The following ITGAV variants were observed in gnomAD, a reference collection of about 807,000 sequenced individuals.
ITGAV encodes the protein integrin subunit alpha V.
In ITGAV, 76 loss-of-function variants were observed where a neutral mutation model predicts 143.8. The observed-to-expected ratio is 0.53, with a 90% CI of 0.44 to 0.64. The LOEUF (loss-of-function observed/expected upper bound fraction) is 0.64. Among genes scored for constraint, ITGAV ranks in the 30% least tolerant of loss-of-function variants. ITGAV has a pLI of 0.00. For synonymous variants in ITGAV, 453 were observed against 446.7 expected (o/e 1.01, Z -0.18); for missense variants, 1,193 against 1,274.7 (o/e 0.94, Z 0.98).
chr2:186,616,902 T>A (rs1197996860), intron 2 of ITGAV, among the ~76,000 whole-genome samples: 1 of 152,164 alleles, frequency 6.6e-6, no homozygotes, highest in Non-Finnish European at 1.5e-5. Context: ...GGATATTTTT[T>A]TTCAAGCAAA....
rs78078668 is a variant in ITGAV at position 186,592,916 on chromosome 2, C to T, written c.185+2393C>T. The stretch of plus-strand genomic sequence containing the variant: ...GTATATAAACACAGGTTTTTACTTA[C>T]TGAGCTTTTCAGATTTAACAAAAAT... On this transcript the variant is annotated intron_variant, in intron 1 of 29. Coordinates refer to ENST00000261023, the MANE Select transcript of ITGAV (RefSeq NM_002210.5). 6.3e-3 allele frequency among the ~76,000 whole-genome samples: 960 copies of T among 152,050 alleles called. 13 individuals carry two copies. The highest frequency in any genetic ancestry group is 0.022 in the African/African-American group (919 of 41,468).
intron 6 of ITGAV, among the ~76,000 whole-genome samples, chr2:186,634,018 A>T (rs1687888940): frequency 6.6e-6 from 1 of 152,046 alleles, no homozygotes; most frequent in African/African-American, 2.4e-5. Context: ...GCAGAGTGAC[A>T]CTCTCTCTCA....
rs371304830 is a variant in ITGAV at position 186,590,293 on chromosome 2, G to C, written c.-46G>C. 6.9e-7 allele frequency: 1 copy of C among 1,451,772 alleles called. No homozygotes were observed. The highest frequency in any genetic ancestry group is 2.9e-5 in the East Asian group (1 of 34,332). The allele number at this position is 1,451,772 out of a possible 1,614,324, so 89.9% of individuals were successfully genotyped here. A position where few individuals can be genotyped will look rare whatever the true frequency, so the allele number is the denominator to read the frequency against. On this transcript the variant is annotated 5_prime_UTR_variant, in exon 1 of 30. Transcript: ENST00000261023. ...ACTGGGCGCCTCGCTGGGGCGGGGGGAGGTGGCTACCGCTCCCGGCTTGGC... is the reference window on the plus strand; with the variant it reads ...ACTGGGCGCCTCGCTGGGGCGGGGGCAGGTGGCTACCGCTCCCGGCTTGGC...
intron 17 of ITGAV, 147 bp from the exon 18 acceptor site, chr2:186,658,891 T>C (rs1385963580): frequency 7.3e-6 from 4 of 548,476 alleles, no homozygotes; most frequent in Admixed American, 3.7e-5. Context: ...GGATATTCTA[T>C]TTCTACATAA....
Position 186,656,288 on chromosome 2 carries a change from G to C in ITGAV, c.1606G>C (p.Gly536Arg), listed in dbSNP as rs1225448703. 1 of 1,585,728 alleles carries C rather than the reference G, an allele frequency of 6.3e-7. No homozygotes were observed. The highest frequency in any genetic ancestry group is 1.2e-5 in the South Asian group (1 of 85,604). Reference sequence around the variant, plus strand: ...TCTTTTGGATAAACTCAAGCAAAAGGGAGCAATTCGACGAGCACTGTTTCT... The same window carrying C: ...TCTTTTGGATAAACTCAAGCAAAAGCGAGCAATTCGACGAGCACTGTTTCT... ...ELLLDKLKQK[G>R]AIRRALFLYS... is the part of the protein sequence containing the mutation. Residue 536 changes from glycine (G) to arginine (R), a missense_variant, in exon 17 of 30, where the codon GGA (glycine) becomes CGA (arginine). Gly to Arg is a moderately radical substitution (Grantham distance 125). Transcript: ENST00000261023.
intron 2 of ITGAV, among the ~76,000 whole-genome samples, chr2:186,621,188 C>T (rs1687510288): frequency 6.6e-6 from 1 of 152,116 alleles, no homozygotes; most frequent in Non-Finnish European, 1.5e-5. Flanking sequence ...TTATTGATTG[C>T]TGTGTCTTAA....
At chr2:186,636,921 A>G (rs13430921) in intron 7 of ITGAV, 144 bp from the exon 8 acceptor site, 57,395 of 624,884 alleles carry the variant, frequency 0.092, 3,077 homozygotes, top group South Asian at 0.12. Flanking sequence ...TGTCATATAT[A>G]TATGAATCTG....
chr2:186,619,040 G>C (rs1370504495), intron 2 of ITGAV, among the ~76,000 whole-genome samples: 2 of 150,566 alleles, frequency 1.3e-5, no homozygotes, highest in African/African-American at 4.9e-5. Context: ...AAGAAAACAT[G>C]GTGTGTGTAT....
At chr2:186,633,751 C>G (rs1687879819) in intron 6 of ITGAV, among the ~76,000 whole-genome samples, 1 of 152,042 alleles carries the variant, frequency 6.6e-6, no homozygotes, top group African/African-American at 2.4e-5. Flanking sequence ...TATAGGCCAA[C>G]TGTGGCATTC....
At chr2:186,667,492 G>A (rs1408197301) in intron 23 of ITGAV, among the ~76,000 whole-genome samples, 179 bp from the exon 24 acceptor site, 6 of 152,084 alleles carry the variant, frequency 3.9e-5, no homozygotes, top group African/African-American at 9.7e-5. Flanking sequence ...CACCTGTTAC[G>A]TGTACATTTC....
rs767253771 is a variant in ITGAV at position 186,590,106 on chromosome 2, A to G, written c.-233A>G. On this transcript the variant is annotated 5_prime_UTR_variant, in exon 1 of 30. Transcript: ENST00000261023. The stretch of plus-strand genomic sequence containing the variant: ...GAGCGGCGGAGCCGGAGGGAAGCAA[A>G]GGACCGTCTGCGCTGCTGTCCCCGC... The G allele has an allele frequency of 2.4e-5, 10 of 409,680 alleles. No homozygotes were observed. The highest frequency in any genetic ancestry group is 4.2e-5 in the Non-Finnish European group (10 of 235,878). 25.4% of individuals were successfully genotyped at this position (409,680 alleles called of 1,614,324 possible).
At chr2:186,636,943 G>T (rs1687960867) in intron 7 of ITGAV, 122 bp from the exon 8 acceptor site, 1 of 761,896 alleles carries the variant, frequency 1.3e-6, no homozygotes, top group Middle Eastern at 2.4e-4. Context: ...TATGACTAGG[G>T]GACAAAATAT....
intron 18 of ITGAV, among the ~76,000 whole-genome samples, chr2:186,661,605 T>G (rs150913282): frequency 0.35 from 52,545 of 148,354 alleles, 9,806 homozygotes; most frequent in East Asian, 0.76. Flanking sequence ...TTTGTTTTTT[T>G]TTTTTTTTTT....
chr2:186,639,855 A>G (rs866703426), intron 10 of ITGAV, among the ~76,000 whole-genome samples: 1 of 152,192 alleles, frequency 6.6e-6, no homozygotes, highest in African/African-American at 2.4e-5. Flanking sequence ...GCCAAACACC[A>G]TAGGTGACTA....
chr2:186,592,202 C>T (rs1559034713), intron 1 of ITGAV, among the ~76,000 whole-genome samples: 2 of 152,126 alleles, frequency 1.3e-5, no homozygotes, highest in Admixed American at 6.5e-5. Context: ...CCTTGGGAGG[C>T]CAAGATGGGC....
At chr2:186,618,188 A>T (rs149242905) in intron 2 of ITGAV, among the ~76,000 whole-genome samples, 1 of 152,212 alleles carries the variant, frequency 6.6e-6, no homozygotes, top group Non-Finnish European at 1.5e-5. Flanking sequence ...TTGGTCTCCA[A>T]AAAAACAATT....
chr2:186,675,808 A>G lies in ITGAV; in HGVS notation c.2821-12A>G. Reference sequence around the variant, plus strand: ...ATATCTGGGAAATCATCTAATTGTTATTTCCAAACAGAAAGAAAATCAGAA... The same window carrying G: ...ATATCTGGGAAATCATCTAATTGTTGTTTCCAAACAGAAAGAAAATCAGAA... On this transcript the variant is annotated splice_polypyrimidine_tract_variant and intron_variant, in intron 27 of 29. Transcript: ENST00000261023. 1.9e-6 allele frequency: 3 copies of G among 1,578,828 alleles called. No individual in the cohort carries two copies. The highest frequency in any genetic ancestry group is 2.6e-6 in the Non-Finnish European group (3 of 1,151,458).
intron 24 of ITGAV, among the ~76,000 whole-genome samples, chr2:186,668,217 T>TATATA (rs71017335): frequency 1.2e-4 from 1 of 8,198 alleles, no homozygotes; most frequent in Non-Finnish European, 2.4e-4. Context: ...TATATATATA[T>TATATA]TTTTTTTTTT....
rs141424459 is a variant in ITGAV at position 186,611,700 on chromosome 2, C to T, written c.316+9549C>T. Among the ~76,000 whole-genome samples the T allele has an allele frequency of 1.8e-3, 270 of 152,274 alleles. 1 individual carries two copies. Among genetic ancestry groups the T allele is most frequent in the African/African-American group, 6.2e-3 (258 of 41,564 alleles). ...TATTAACTGTGACGTTGGGCAAGCA[C>T]CATCCACAATTTCCCCATCTGTCAA... On this transcript the variant is annotated intron_variant, in intron 2 of 29. Transcript: ENST00000261023.
Sources: gnomAD v4.1 joint callset for allele counts (sites outside exome capture counted in the v4.1 genomes callset) on GRCh38, gnomAD v4.1.1 for gene constraint, MANE v1.5 for transcripts, NCBI Gene and HGNC (gene_info 2026-07-23, HGNC 2026-07-21) for gene names.